Variants in ZNF606 observed in about 807,000 individuals in gnomAD.
The protein encoded by ZNF606 is zinc finger protein 606, also known as zinc finger protein 328.
Under a neutral mutation model 74.9 loss-of-function variants are expected in ZNF606, and 37 were observed. The observed-to-expected ratio is 0.49, with a 90% CI of 0.38 to 0.65. ZNF606 has a LOEUF of 0.65. Among genes scored for constraint, ZNF606 ranks in the 30% least tolerant of loss-of-function variants. The pLI is 0.00. For missense variants in ZNF606, 852 were observed against 952.9 expected, an observed-to-expected ratio of 0.89 and a Z score of 1.39; for synonymous variants, 328 against 312.4, an observed-to-expected ratio of 1.05 and a Z score of -0.53.
chr19:57,995,634 T>C (rs2073327944), intron 4 of ZNF606, among the ~76,000 whole-genome samples: 2 of 152,156 alleles, frequency 1.3e-5, no homozygotes, highest in South Asian at 4.2e-4. Context: ...GCCTGCCCAA[T>C]ATGACAAAAC....
chr19:58,002,894 A>C (rs1568588190), upstream of ZNF606: 1 of 439,444 alleles, frequency 2.3e-6, no homozygotes, highest in Non-Finnish European at 4.6e-6. Context: ...CGGCGCCGCC[A>C]TGACAGGTTC....
At chr19:57,988,833 T>C in intron 4 of ZNF606, 112 bp from the exon 5 acceptor site, 4 of 1,534,090 alleles carry the variant, frequency 2.6e-6, no homozygotes, top group South Asian at 1.2e-5. Context: ...AGAGAAACTC[T>C]CCTGGTTATT....
In ZNF606 at chr19:58,002,586, G is replaced by A. The variant is rs1568587519; in HGVS notation, c.-242C>T. 2.3e-6 allele frequency: 1 copy of A among 440,586 alleles called. No homozygotes were observed. Among genetic ancestry groups the A allele is most frequent in the East Asian group, 7.1e-5 (1 of 14,010 alleles). The allele number at this position is 440,586 out of a possible 1,614,324, so 27.3% of individuals were successfully genotyped here. A position where few individuals can be genotyped will look rare whatever the true frequency, so the allele number is the denominator to read the frequency against. ...GAGTTCACCCAGGCCCGTCCGACCA[G>A]AAAACGAAGAACGCCCGGAGGCGGG... is the stretch of plus-strand genomic sequence containing the variant. On this transcript the variant is annotated 5_prime_UTR_variant, in exon 1 of 7. Transcript: ENST00000551380.
chr19:57,987,557 G>C (rs765376379), intron 6 of ZNF606, among the ~76,000 whole-genome samples: 43 of 152,260 alleles, frequency 2.8e-4, no homozygotes, highest in Non-Finnish European at 5.3e-4. Context: ...GCCGGGAACG[G>C]TGGCTCATGC....
intron 4 of ZNF606, chr19:57,997,287 T>C (rs2073353921): frequency 6.6e-6 from 1 of 152,210 alleles, no homozygotes; most frequent in Admixed American, 6.5e-5. Context: ...ATTATTATTT[T>C]CCCCTATTCC....
chr19:57,990,539 CAAA>C (rs1028844010), intron 4 of ZNF606, among the ~76,000 whole-genome samples: 4 of 51,938 alleles, frequency 7.7e-5, no homozygotes, highest in African/African-American at 1.8e-4. Flanking sequence ...AACCCAGTCT[CAAA>C]AAAAAAAAAA....
rs2123259901 is a variant in ZNF606, at chr19:57,979,365, T to C, written c.1315A>G (p.Asn439Asp). The stretch of plus-strand genomic sequence containing the variant: ...TCATGTTTCGTAAGGGCTGAGCGAT[T>C]CCTAAAAACTTTTCCACATTTATCA... ...ECDKCGKVFR[N>D]RSALTKHERT... The change falls in exon 7 of 7, where the codon AAT (asparagine) becomes GAT (aspartate). Residue 439 changes from asparagine (N) to aspartate (D), a missense_variant. Coordinates refer to ENST00000551380, the MANE Select transcript of ZNF606 (RefSeq NM_001348022.3). 1 of 1,612,898 alleles carries C rather than the reference T, an allele frequency of 6.2e-7. No homozygotes were observed. The highest frequency in any genetic ancestry group is 8.5e-7 in the Non-Finnish European group (1 of 1,179,364).
chr19:57,990,758 T>C (rs1487746486), intron 4 of ZNF606, among the ~76,000 whole-genome samples: 1 of 152,092 alleles, frequency 6.6e-6, no homozygotes, highest in East Asian at 1.9e-4. Context: ...ACCTCCCTGC[T>C]GAATTTTCAG....
intron 6 of ZNF606, among the ~76,000 whole-genome samples, chr19:57,984,915 A>C (rs2123284835): frequency 6.6e-6 from 1 of 152,308 alleles, no homozygotes; most frequent in Non-Finnish European, 1.5e-5. Flanking sequence ...TAACATGGTG[A>C]AACCCCAACT....
chr19:57,981,864 A>G (rs950690191), intron 6 of ZNF606, among the ~76,000 whole-genome samples: 4 of 152,226 alleles, frequency 2.6e-5, no homozygotes, highest in South Asian at 2.1e-4. Context: ...ACAGTCTGCT[A>G]ATCTGTATGT....
At position 57,980,189 on chromosome 19, in the gene ZNF606, T is replaced by C; in HGVS notation, c.491A>G (p.Tyr164Cys). ...EQSHGMKLER[Y>C]IWDDPWFSRL... Reference sequence around the variant, plus strand: ...GGAGAACCAAGGATCATCCCATATATATCTTTCCAACTTCATGCCATGGGA... The same window carrying C: ...GGAGAACCAAGGATCATCCCATATACATCTTTCCAACTTCATGCCATGGGA... The change falls in exon 7 of 7, where the codon TAT becomes TGT. Residue 164 changes from tyrosine to cysteine, a missense_variant. Tyr to Cys is a radical substitution (Grantham distance 194). Coordinates refer to ENST00000551380, the MANE Select transcript of ZNF606 (RefSeq NM_001348022.3). The C allele has an allele frequency of 6.2e-7, 1 of 1,614,170 alleles. No homozygotes were observed. Among genetic ancestry groups the C allele is most frequent in the Non-Finnish European group, 8.5e-7 (1 of 1,180,032 alleles).
intron 6 of ZNF606, among the ~76,000 whole-genome samples, chr19:57,987,108 T>A (rs529809593): frequency 6.6e-6 from 1 of 152,046 alleles, no homozygotes; most frequent in South Asian, 2.1e-4. Flanking sequence ...TTAATTGTAA[T>A]CCCCAGGGCA....
chr19:57,993,712 A>G (rs1259401200), intron 4 of ZNF606, among the ~76,000 whole-genome samples: 1 of 152,236 alleles, frequency 6.6e-6, no homozygotes, highest in Non-Finnish European at 1.5e-5. Flanking sequence ...CAGGCTGCCC[A>G]GGTGAGTGGA....
At chr19:57,987,351 T>C (rs565075702) in intron 6 of ZNF606, among the ~76,000 whole-genome samples, 8 of 152,034 alleles carry the variant, frequency 5.3e-5, no homozygotes, top group African/African-American at 1.7e-4. Context: ...GCTCAAGCAA[T>C]CCTCACCTCA....
intron 4 of ZNF606, chr19:57,998,327 T>G (rs377603102): frequency 2.9e-4 from 44 of 152,264 alleles, no homozygotes; most frequent in African/African-American, 9.1e-4. Flanking sequence ...TTTTTTACAA[T>G]GTAATTACAT....
At chr19:58,001,094 T>G (rs1785622888) in intron 2 of ZNF606, 195 bp downstream of exon 2, 5 of 643,130 alleles carry the variant, frequency 7.8e-6, no homozygotes, top group Non-Finnish European at 1.1e-5. Context: ...TCTCAGGAGA[T>G]GACTATAAAA....
At chr19:57,986,082 T>C (rs1001164428) in intron 6 of ZNF606, among the ~76,000 whole-genome samples, 3 of 151,560 alleles carry the variant, frequency 2.0e-5, no homozygotes, top group Middle Eastern at 3.2e-3. Context: ...CAAAAAAACA[T>C]GACAATCAAG....
intron 6 of ZNF606, among the ~76,000 whole-genome samples, chr19:57,984,886 A>G (rs1215674783): frequency 1.3e-5 from 2 of 152,186 alleles, no homozygotes; most frequent in Admixed American, 1.3e-4. Flanking sequence ...CGAGGTCAGG[A>G]GATCAAGACC....
chr19:57,999,391 G>T (rs79226799), intron 4 of ZNF606: 3,550 of 218,522 alleles, frequency 0.016, 143 homozygotes, highest in African/African-American at 0.076. Flanking sequence ...TTAGCTGAGT[G>T]AATAACCCTG....
Sources: gnomAD v4.1 joint callset for allele counts (sites outside exome capture counted in the v4.1 genomes callset) on GRCh38, gnomAD v4.1.1 for gene constraint, MANE v1.5 for transcripts, NCBI Gene and HGNC (gene_info 2026-07-23, HGNC 2026-07-21) for gene names.